SLC39A8: variants seen among roughly 807,000 people sequenced by gnomAD.
SLC39A8 encodes metal cation symporter ZIP8.
SLC39A8 carries 15 observed loss-of-function variants against 40.4 expected under a neutral mutation model. That is an observed-to-expected ratio of 0.37 (90% CI 0.25 to 0.57). The LOEUF is 0.57. Ranked by LOEUF, SLC39A8 falls within the 20% of genes least tolerant of loss-of-function variation. The pLI is 0.75. For synonymous variants in SLC39A8, 223 were observed against 221.6 expected (o/e 1.01, Z -0.06); for missense variants, 472 against 558.8 (o/e 0.84, Z 1.57).
chr4:102,305,786 TAA>T (rs1228166973), intron 4 of SLC39A8, among the ~76,000 whole-genome samples: 2 of 152,012 alleles, frequency 1.3e-5, no homozygotes, highest in East Asian at 3.9e-4. Context: ...TTTGAAGTTA[TAA>T]AGAGTCAAGA....
intron 2 of SLC39A8, 139 bp from the exon 3 acceptor site, chr4:102,315,969 G>A (rs1333288374): frequency 1.6e-6 from 1 of 632,702 alleles, no homozygotes; most frequent in African/African-American, 1.9e-5. Flanking sequence ...AAATTGAAAG[G>A]CCCCTAAAGT....
chr4:102,257,713 G>A (rs943653588), downstream of SLC39A8, among the ~76,000 whole-genome samples: 3 of 152,172 alleles, frequency 2.0e-5, no homozygotes, highest in Admixed American at 2.0e-4. Flanking sequence ...GCAAATGCAC[G>A]AAGTCCCATC....
intron 2 of SLC39A8, among the ~76,000 whole-genome samples, chr4:102,319,994 C>T (rs1480578343): frequency 1.3e-5 from 2 of 151,144 alleles, no homozygotes; most frequent in East Asian, 3.9e-4. Context: ...TCAGTTTCTT[C>T]AACCCTCCCT....
intron 6 of SLC39A8, among the ~76,000 whole-genome samples, chr4:102,286,417 T>C (rs920657819): frequency 6.6e-6 from 1 of 152,140 alleles, no homozygotes; most frequent in African/African-American, 2.4e-5. Flanking sequence ...CCTCACTAAT[T>C]CTTCTAAATA....
chr4:102,337,192 TC>T (rs1423968280), intron 2 of SLC39A8, among the ~76,000 whole-genome samples: 2 of 142,042 alleles, frequency 1.4e-5, no homozygotes, highest in Non-Finnish European at 3.0e-5. Context: ...CCTATTTTTC[TC>T]CCCCAATCCC....
In SLC39A8 at chr4:102,262,994, GT is replaced by G; in HGVS notation, c.*49del. The G allele has an allele frequency of 6.5e-7, 1 of 1,533,876 alleles. No homozygotes were observed. Among genetic ancestry groups the G allele is most frequent in the Non-Finnish European group, 8.8e-7 (1 of 1,140,358 alleles). ...CAGCTTCAAAATCCTTTTTGGAGATGTTTTTATCTATTAAATGCCTTTATTA... is the reference window on the plus strand; with the variant it reads ...CAGCTTCAAAATCCTTTTTGGAGATGTTTTATCTATTAAATGCCTTTATTA... On this transcript the variant is annotated 3_prime_UTR_variant, in exon 9 of 9. Transcript: ENST00000356736.
chr4:102,292,662 C>G (rs1039073767), intron 6 of SLC39A8, among the ~76,000 whole-genome samples: 1 of 151,972 alleles, frequency 6.6e-6, no homozygotes, highest in African/African-American at 2.4e-5. Flanking sequence ...AACAGTTGCT[C>G]AATATTCCGT....
chr4:102,274,854 G>A (rs1732543958), intron 6 of SLC39A8, among the ~76,000 whole-genome samples: 1 of 152,116 alleles, frequency 6.6e-6, no homozygotes, highest in Non-Finnish European at 1.5e-5. Flanking sequence ...GCCAAACTAA[G>A]CTTGATAAAT....
At chr4:102,253,672 T>C (rs1731643877) in intron 11 of SLC39A8, among the ~76,000 whole-genome samples, 1 of 152,148 alleles carries the variant, frequency 6.6e-6, no homozygotes, top group African/African-American at 2.4e-5. Flanking sequence ...GGTAAGTACG[T>C]GTTTATTGAA....
Position 102,302,782 on chromosome 4 carries a change from T to C in SLC39A8, c.840+1535A>G, listed in dbSNP as rs148596754. Reference sequence around the variant, plus strand: ...AGGTTATTAGGAAGATCAAATGAAGTAATTCATCTAACGTTCTAGGCATAG... The same window carrying C: ...AGGTTATTAGGAAGATCAAATGAAGCAATTCATCTAACGTTCTAGGCATAG... On this transcript the variant is annotated intron_variant, in intron 6 of 8. Transcript: ENST00000356736. Among the ~76,000 whole-genome samples the C allele has an allele frequency of 2.2e-3, 342 of 152,122 alleles. 2 individuals carry two copies. Among genetic ancestry groups the C allele is most frequent in the African/African-American group, 7.6e-3 (317 of 41,550 alleles).
At chr4:102,263,621 AT>A (rs1731962538) in intron 8 of SLC39A8, among the ~76,000 whole-genome samples, 1 of 152,114 alleles carries the variant, frequency 6.6e-6, no homozygotes, top group Non-Finnish European at 1.5e-5. Context: ...CAACAATGAC[AT>A]TTGCAACATC....
intron 6 of SLC39A8, among the ~76,000 whole-genome samples, chr4:102,293,720 A>C (rs1733558759): frequency 6.6e-6 from 1 of 151,958 alleles, no homozygotes. Flanking sequence ...AAATATCATA[A>C]AAATGTAAGC....
intron 3 of SLC39A8, among the ~76,000 whole-genome samples, chr4:102,308,465 C>T (rs961752230): frequency 6.6e-6 from 1 of 151,996 alleles, no homozygotes; most frequent in African/African-American, 2.4e-5. Context: ...GCATGTGTGA[C>T]CTATTGCCTT....
At chr4:102,332,587 A>G (rs1735512168) in intron 2 of SLC39A8, among the ~76,000 whole-genome samples, 1 of 152,252 alleles carries the variant, frequency 6.6e-6, no homozygotes, top group African/African-American at 2.4e-5. Context: ...TAGTTCAACC[A>G]TTGGGAAAGA....
intron 6 of SLC39A8, among the ~76,000 whole-genome samples, chr4:102,292,599 T>G (rs967360246): frequency 1.3e-5 from 2 of 152,108 alleles, no homozygotes; most frequent in African/African-American, 4.8e-5. Context: ...TGATAAGTGC[T>G]TATAAATCTG....
In SLC39A8 at chr4:102,344,186, A is replaced by C. The variant is rs1462943; in HGVS notation, c.219+258T>G. 0.65 allele frequency among the ~76,000 whole-genome samples: 99,027 copies of C among 151,952 alleles called. 33,122 individuals are homozygous for C. The highest frequency in any genetic ancestry group is 0.84 in the Middle Eastern group (248 of 294). On this transcript the variant is annotated intron_variant, in intron 2 of 8. Coordinates refer to ENST00000356736, the MANE Select transcript of SLC39A8 (RefSeq NM_001135146.2). ...TCATAAAGTTTTCTATAAAATGTTA[A>C]AATCACCAGAGTCGGACCTCTCAGT...
chr4:102,337,810 A>G (rs965541574), intron 2 of SLC39A8, among the ~76,000 whole-genome samples: 2 of 152,230 alleles, frequency 1.3e-5, no homozygotes, highest in South Asian at 2.1e-4. Flanking sequence ...TATCCATAGA[A>G]GAAAGTACTA....
At chr4:102,288,165 C>T (rs1449963310) in intron 6 of SLC39A8, among the ~76,000 whole-genome samples, 3 of 152,142 alleles carry the variant, frequency 2.0e-5, no homozygotes, top group African/African-American at 7.2e-5. Context: ...TCAGCATGTG[C>T]TCATTTCATG....
intron 6 of SLC39A8, among the ~76,000 whole-genome samples, chr4:102,297,189 G>A (rs747799767): frequency 2.0e-5 from 3 of 152,054 alleles, no homozygotes; most frequent in Admixed American, 6.6e-5. Flanking sequence ...AAGCATGTAC[G>A]GAGATGATGA....
Sources: allele counts gnomAD v4.1 joint callset (sites outside exome capture counted in the v4.1 genomes callset), GRCh38; gene constraint gnomAD v4.1.1; transcripts MANE v1.5; gene names NCBI Gene and HGNC (gene_info 2026-07-23, HGNC 2026-07-21).